ZDHHC15: variants seen among roughly 807,000 people sequenced by gnomAD.
ZDHHC15 encodes the protein zDHHC palmitoyltransferase 15, also known as palmitoyltransferase ZDHHC15.
A neutral mutation model predicts 31.7 loss-of-function variants in ZDHHC15; 19 were observed. The observed-to-expected ratio is 0.60, with a 90% confidence interval of 0.42 to 0.88. The LOEUF (loss-of-function observed/expected upper bound fraction) is 0.88. ZDHHC15 is among the 40% of genes least tolerant of loss of function. The pLI is 0.00. For missense variants in ZDHHC15, 209 were observed against 251.2 expected (o/e 0.83, Z 1.14); for synonymous variants, 103 against 90.0 (o/e 1.14, Z -0.82).
intron 3 of ZDHHC15, among the ~76,000 whole-genome samples, chrX:75,453,119 A>G (rs1466771002): frequency 8.9e-6 from 1 of 111,766 alleles, no homozygotes; most frequent in African/African-American, 3.2e-5. Context: ...AAAGATCAAC[A>G]AAAGTGATAG....
chrX:75,444,251 A>T (rs1435263940), intron 4 of ZDHHC15, among the ~76,000 whole-genome samples: 1 of 110,209 alleles, frequency 9.1e-6, no homozygotes, highest in Non-Finnish European at 1.9e-5. Context: ...GGATTAAGAA[A>T]ATGTGGCACA....
chrX:75,462,332 T>C (rs1205849470), intron 3 of ZDHHC15, among the ~76,000 whole-genome samples: 1 of 112,030 alleles, frequency 8.9e-6, no homozygotes, highest in Non-Finnish European at 1.9e-5. Flanking sequence ...AGTGAAAGAC[T>C]TTAACACTCC....
chrX:75,377,122 T>C (rs1252243689), intron 11 of ZDHHC15, among the ~76,000 whole-genome samples: 2 of 111,789 alleles, frequency 1.8e-5, no homozygotes. Flanking sequence ...ATTATCTACA[T>C]ACAGTTTAAA....
At chrX:75,486,419 A>G (rs975339991) in intron 2 of ZDHHC15, among the ~76,000 whole-genome samples, 6 of 112,332 alleles carry the variant, frequency 5.3e-5, no homozygotes, top group African/African-American at 1.9e-4. Context: ...GAACTCTGTA[A>G]TAATTTCAAC....
chrX:75,388,347 T>A (rs2083202356), intron 10 of ZDHHC15, among the ~76,000 whole-genome samples: 1 of 111,998 alleles, frequency 8.9e-6, no homozygotes, highest in African/African-American at 3.2e-5. Flanking sequence ...GACAAATCTA[T>A]CAAAAACAAT....
chrX:75,457,645 TCACACACA>T (rs35992807), intron 3 of ZDHHC15, among the ~76,000 whole-genome samples: 9 of 93,928 alleles, frequency 9.6e-5, no homozygotes, highest in African/African-American at 3.5e-4. Context: ...TTATTTACAC[TCACACACA>T]CACACACACA....
intron 2 of ZDHHC15, among the ~76,000 whole-genome samples, chrX:75,500,988 G>A (rs1277172892): frequency 9.1e-6 from 1 of 110,382 alleles, no homozygotes; most frequent in Non-Finnish European, 1.9e-5. Flanking sequence ...TTTTCGGTTC[G>A]GGGGCACATG....
intron 3 of ZDHHC15, among the ~76,000 whole-genome samples, chrX:75,452,632 G>T (rs939386709): frequency 7.2e-5 from 8 of 111,498 alleles, no homozygotes; most frequent in African/African-American, 2.3e-4. Flanking sequence ...TGACCACATA[G>T]TTGGAAGTAA....
intron 10 of ZDHHC15, among the ~76,000 whole-genome samples, chrX:75,381,429 G>T (rs910742058): frequency 1.8e-5 from 2 of 111,172 alleles, no homozygotes; most frequent in Admixed American, 1.9e-4. Flanking sequence ...TGTCTCTTGG[G>T]TTTGATCATT....
chrX:75,474,977 G>A lies in ZDHHC15; in HGVS notation c.258+3914C>T, dbSNP rs756272806. ...CGGGAGGCTGAGGCAGGAGAATGGC[G>A]TGAACCCGGAGGTGGAGCTTGCAGT... is the stretch of plus-strand genomic sequence containing the variant. On this transcript the variant is annotated intron_variant, in intron 3 of 11. Coordinates refer to ENST00000373367, the MANE Select transcript of ZDHHC15 (RefSeq NM_144969.3). Among the ~76,000 whole-genome samples, 289 of 110,790 alleles carry A rather than the reference G, an allele frequency of 2.6e-3. 1 individual carries two copies. Among genetic ancestry groups the A allele is most frequent in the African/African-American group, 8.7e-3 (267 of 30,520 alleles).
chrX:75,507,109 C>T (rs1256365612), intron 1 of ZDHHC15, among the ~76,000 whole-genome samples: 1 of 111,295 alleles, frequency 9.0e-6, no homozygotes, highest in African/African-American at 3.3e-5. Context: ...GTTTATATGA[C>T]CCAAGAGCAG....
chrX:75,466,898 G>C (rs995197816), intron 3 of ZDHHC15, among the ~76,000 whole-genome samples: 1 of 83,341 alleles, frequency 1.2e-5, no homozygotes, highest in Non-Finnish European at 2.3e-5. Flanking sequence ...TGTTAGGGGT[G>C]GGGGGAGGGA....
At chrX:75,419,367 C>T (rs770309124) in intron 9 of ZDHHC15, among the ~76,000 whole-genome samples, 2 of 112,114 alleles carry the variant, frequency 1.8e-5, no homozygotes, top group Non-Finnish European at 3.8e-5. Flanking sequence ...CATCACTGGC[C>T]ATCAGAGAAA....
chrX:75,389,714 C>T (rs958089430), intron 10 of ZDHHC15, among the ~76,000 whole-genome samples: 3 of 110,973 alleles, frequency 2.7e-5, no homozygotes, highest in African/African-American at 9.8e-5. Context: ...GGTAGCCAGG[C>T]GGTACTTACC....
At chrX:75,449,598 T>C (rs1272479691) in intron 4 of ZDHHC15, among the ~76,000 whole-genome samples, 1 of 112,183 alleles carries the variant, frequency 8.9e-6, no homozygotes, top group Non-Finnish European at 1.9e-5. Flanking sequence ...ATAACCACTA[T>C]ATTATTGCTC....
chrX:75,419,662 C>T (rs981879667), intron 9 of ZDHHC15, among the ~76,000 whole-genome samples: 18 of 109,736 alleles, frequency 1.6e-4, no homozygotes, highest in Non-Finnish European at 2.7e-4. Context: ...ATGTTTACTG[C>T]GGCACTATTC....
intron 11 of ZDHHC15, among the ~76,000 whole-genome samples, chrX:75,374,687 G>GTGTGTGTGTGTA (rs745526466): frequency 3.7e-4 from 34 of 91,679 alleles, no homozygotes; most frequent in African/African-American, 1.2e-3. Context: ...GTGTGTGTGT[G>GTGTGTGTGTGTA]TATATATATA....
At chrX:75,405,518 T>A (rs897874046) in intron 10 of ZDHHC15, among the ~76,000 whole-genome samples, 4 of 111,884 alleles carry the variant, frequency 3.6e-5, no homozygotes, top group Non-Finnish European at 7.5e-5. Flanking sequence ...AGGAGTAACT[T>A]ACTCATATCT....
chrX:75,395,528 A>G (rs1263984928), intron 10 of ZDHHC15, among the ~76,000 whole-genome samples: 2 of 111,677 alleles, frequency 1.8e-5, no homozygotes, highest in African/African-American at 6.5e-5. Flanking sequence ...GCTGTGAAAC[A>G]TTGAAAGAAA....
Sources: gnomAD v4.1 joint callset for allele counts (sites outside exome capture counted in the v4.1 genomes callset) on GRCh38, gnomAD v4.1.1 for gene constraint, MANE v1.5 for transcripts, NCBI Gene and HGNC (gene_info 2026-07-23, HGNC 2026-07-21) for gene names.